Variants in SATB2 observed in about 807,000 individuals in gnomAD.
SATB2 encodes the protein SATB homeobox 2.
In SATB2, 1 loss-of-function variant was observed where a neutral mutation model predicts 73.4. The observed-to-expected ratio is 0.01, with a 90% CI of 0.00 to 0.06. The LOEUF (loss-of-function observed/expected upper bound fraction) is 0.06. SATB2 is among the 10% of genes least tolerant of loss of function. SATB2 has a pLI of 1.00. For missense variants in SATB2, 459 were observed against 945.8 expected (o/e 0.49, Z 6.75); for synonymous variants, 397 against 367.0 (o/e 1.08, Z -0.93).
intron 9 of SATB2, among the ~76,000 whole-genome samples, chr2:199,321,469 T>C (rs1158392248): frequency 6.6e-6 from 1 of 151,366 alleles, no homozygotes; most frequent in East Asian, 1.9e-4. Context: ...GATTTATATA[T>C]GTATACACAT....
At chr2:199,284,988 TGA>T (rs1187207372) in intron 10 of SATB2, among the ~76,000 whole-genome samples, 1 of 152,138 alleles carries the variant, frequency 6.6e-6, no homozygotes, top group Non-Finnish European at 1.5e-5. Context: ...ATAAGGGGCT[TGA>T]GCATCCATGA....
At chr2:199,381,895 A>G in intron 3 of SATB2, 75 bp from the exon 4 acceptor site, 2 of 1,533,884 alleles carry the variant, frequency 1.3e-6, no homozygotes, top group Non-Finnish European at 1.8e-6. Flanking sequence ...TTCAATGTTA[A>G]GAAGGTCATT....
intron 9 of SATB2, among the ~76,000 whole-genome samples, chr2:199,315,210 G>GT (rs2105778258): frequency 6.6e-6 from 1 of 152,070 alleles, no homozygotes; most frequent in South Asian, 2.1e-4. Flanking sequence ...CGTTGCTGTT[G>GT]TTAATATTAG....
chr2:199,438,062 TG>T (rs1287415294), intron 2 of SATB2, among the ~76,000 whole-genome samples: 4 of 152,194 alleles, frequency 2.6e-5, no homozygotes, highest in Non-Finnish European at 5.9e-5. Flanking sequence ...AATTGAGATG[TG>T]TCGTAAGTAT....
chr2:199,426,706 A>G (rs13015325), intron 3 of SATB2, among the ~76,000 whole-genome samples: 1 of 138,382 alleles, frequency 7.2e-6, no homozygotes, highest in African/African-American at 2.5e-5. Context: ...AAAAAAAAAA[A>G]AAAAAGAAAA....
At chr2:199,357,862 A>C (rs1689032834) in intron 6 of SATB2, among the ~76,000 whole-genome samples, 1 of 152,138 alleles carries the variant, frequency 6.6e-6, no homozygotes, top group Non-Finnish European at 1.5e-5. Context: ...GTACCCTATA[A>C]ATTCTATAAA....
At chr2:199,314,686 T>C (rs557572928) in intron 9 of SATB2, among the ~76,000 whole-genome samples, 2 of 152,246 alleles carry the variant, frequency 1.3e-5, no homozygotes, top group Non-Finnish European at 2.9e-5. Flanking sequence ...GATTATGGCA[T>C]GCAAGGTGAA....
chr2:199,420,198 A>G (rs1691122727), intron 3 of SATB2, among the ~76,000 whole-genome samples: 1 of 152,198 alleles, frequency 6.6e-6, no homozygotes, highest in Non-Finnish European at 1.5e-5. Flanking sequence ...CAGCTGTTAA[A>G]TGAAGATAAT....
At chr2:199,444,802 T>C (rs565813153) in intron 2 of SATB2, among the ~76,000 whole-genome samples, 3 of 152,326 alleles carry the variant, frequency 2.0e-5, no homozygotes, top group East Asian at 3.9e-4. Context: ...ATGGAGATGA[T>C]AGAAGAAACT....
Position 199,270,431 on chromosome 2 carries a change from T to C in SATB2, c.*1780A>G, listed in dbSNP as rs975266319. ...AATAGTATTAACAGTTATATTACAA[T>C]GTTTGTGTAGTAAACAGAAAATAAC... On this transcript the variant is annotated 3_prime_UTR_variant, in exon 11 of 11. Transcript: ENST00000417098. 2.6e-5 allele frequency: 4 copies of C among 152,188 alleles called. No individual in the cohort carries two copies. The highest frequency in any genetic ancestry group is 9.7e-5 in the African/African-American group (4 of 41,278). 9.4% of individuals were successfully genotyped at this position (152,188 alleles called of 1,614,324 possible).
At chr2:199,278,583 C>A (rs1692388882) in intron 10 of SATB2, among the ~76,000 whole-genome samples, 1 of 152,138 alleles carries the variant, frequency 6.6e-6, no homozygotes, top group African/African-American at 2.4e-5. Context: ...AAAGCCCTCA[C>A]AATGAACTTC....
chr2:199,315,399 A>G (rs1241380777), intron 9 of SATB2, among the ~76,000 whole-genome samples: 1 of 152,120 alleles, frequency 6.6e-6, no homozygotes, highest in East Asian at 1.9e-4. Context: ...TCACAAAACA[A>G]TAATATGGCC....
chr2:199,448,732 C>A (rs960288236), intron 2 of SATB2, among the ~76,000 whole-genome samples: 2 of 152,150 alleles, frequency 1.3e-5, no homozygotes, highest in African/African-American at 4.8e-5. Flanking sequence ...TCAGTGGGCA[C>A]CAGTTACCCT....
chr2:199,442,221 T>A (rs1691837046), intron 2 of SATB2, among the ~76,000 whole-genome samples: 1 of 152,238 alleles, frequency 6.6e-6, no homozygotes, highest in Non-Finnish European at 1.5e-5. Context: ...CATATCACTC[T>A]GGCCCCATTG....
intron 3 of SATB2, among the ~76,000 whole-genome samples, chr2:199,422,141 G>T (rs1023675229): frequency 1.3e-5 from 2 of 152,062 alleles, no homozygotes; most frequent in African/African-American, 4.8e-5. Flanking sequence ...ATAATGTTAA[G>T]TAAGAACTAG....
chr2:199,371,637 TA>T (rs1689448925), intron 5 of SATB2, among the ~76,000 whole-genome samples: 1 of 152,226 alleles, frequency 6.6e-6, no homozygotes, highest in Non-Finnish European at 1.5e-5. Context: ...TTTTGCTTTT[TA>T]AAATACATAT....
At chr2:199,296,871 A>C (rs1052566740) in intron 10 of SATB2, among the ~76,000 whole-genome samples, 1 of 152,178 alleles carries the variant, frequency 6.6e-6, no homozygotes, top group South Asian at 2.1e-4. Context: ...TTGAAACTAG[A>C]AATAGAGAGT....
chr2:199,392,503 G>A (rs778918798), intron 3 of SATB2, among the ~76,000 whole-genome samples: 4 of 152,024 alleles, frequency 2.6e-5, no homozygotes, highest in Non-Finnish European at 5.9e-5. Context: ...AAAGGCAAAG[G>A]TCATGTCAAT....
chr2:199,321,448 T>C (rs1687886869), intron 9 of SATB2, among the ~76,000 whole-genome samples: 2 of 151,030 alleles, frequency 1.3e-5, no homozygotes, highest in Admixed American at 1.3e-4. Context: ...GTCTCATATA[T>C]ACACCTTATA....
Sources: gnomAD v4.1 joint callset for allele counts (sites outside exome capture counted in the v4.1 genomes callset) on GRCh38, gnomAD v4.1.1 for gene constraint, MANE v1.5 for transcripts, NCBI Gene and HGNC (gene_info 2026-07-23, HGNC 2026-07-21) for gene names.